DST: variants seen among roughly 807,000 people sequenced by gnomAD.
DST encodes bullous pemphigoid antigen.
DST carries 253 observed loss-of-function variants against 875.2 expected under a neutral mutation model. The ratio of observed to expected loss-of-function variants is 0.29; its 90% CI spans 0.26 to 0.32. DST has a LOEUF of 0.32. Among genes scored for constraint, DST ranks in the 10% least tolerant of loss-of-function variants. The pLI, the probability that DST is intolerant of heterozygous loss-of-function variation, is 1.00. For missense variants in DST, 8,287 were observed against 9,111.6 expected, an observed-to-expected ratio of 0.91 and a Z score of 3.68; for synonymous variants, 3,124 against 3,197.1, an observed-to-expected ratio of 0.98 and a Z score of 0.77.
chr6:56,641,632 A>T (rs1385874956), intron 17 of DST, among the ~76,000 whole-genome samples: 1 of 152,156 alleles, frequency 6.6e-6, no homozygotes, highest in Non-Finnish European at 1.5e-5. Context: ...TTTCTCTTTC[A>T]AACATCCCAT....
chr6:56,691,436 C>T (rs1176573852), intron 9 of DST, among the ~76,000 whole-genome samples: 1 of 152,296 alleles, frequency 6.6e-6, no homozygotes, highest in East Asian at 1.9e-4. Context: ...CACTAACCCT[C>T]ATAAAACCTC....
rs4715633 is a variant in DST at position 56,559,544 on chromosome 6, C to G, written c.14440+750G>C. 6.9e-3 allele frequency among the ~76,000 whole-genome samples: 1,046 copies of G among 152,120 alleles called. 44 individuals are homozygous for G. Among genetic ancestry groups the G allele is most frequent in the Admixed American group, 0.059 (897 of 15,254 alleles). On this transcript the variant is annotated intron_variant, in intron 58 of 103. Coordinates refer to ENST00000680361, the MANE Select transcript of DST (RefSeq NM_001374736.1). ...ATAATTATTATAATCATAGTATATACTTATATAGCACTTGATATGTGCCAG... is the reference window on the plus strand; with the variant it reads ...ATAATTATTATAATCATAGTATATAGTTATATAGCACTTGATATGTGCCAG...
At chr6:56,774,907 G>A (rs1014375480) in intron 4 of DST, among the ~76,000 whole-genome samples, 2 of 150,882 alleles carry the variant, frequency 1.3e-5, no homozygotes, top group Non-Finnish European at 1.5e-5. Flanking sequence ...CAGGAGAATC[G>A]CTGGAACCCG....
intron 3 of DST, among the ~76,000 whole-genome samples, chr6:56,880,870 CAG>C (rs1781841250): frequency 1.3e-5 from 1 of 77,726 alleles, no homozygotes; most frequent in Non-Finnish European, 2.3e-5. Context: ...TTTTTTGAGA[CAG>C]AGTCTTTGCT....
intron 5 of DST, among the ~76,000 whole-genome samples, chr6:56,722,119 A>C (rs1381202521): frequency 6.6e-6 from 1 of 152,108 alleles, no homozygotes; most frequent in Non-Finnish European, 1.5e-5. Flanking sequence ...ACATTAACAA[A>C]AAAAAAAAGG....
intron 53 of DST, 96 bp from the exon 54 acceptor site, chr6:56,570,108 A>G (rs1169573746): frequency 3.3e-6 from 3 of 898,162 alleles, no homozygotes; most frequent in Non-Finnish European, 4.9e-6. Context: ...ACCATCTTCC[A>G]TGTACTCTAA....
chr6:56,464,403 A>T (rs2094481279), intron 100 of DST: 1 of 452,662 alleles, frequency 2.2e-6, no homozygotes, highest in Non-Finnish European at 3.9e-6. Context: ...TCAGTGATGC[A>T]GCACTCATAC....
intron 80 of DST, among the ~76,000 whole-genome samples, chr6:56,498,451 G>T (rs1056301220): frequency 6.6e-6 from 1 of 152,086 alleles, no homozygotes; most frequent in African/African-American, 2.4e-5. Context: ...CTTCCTGGAT[G>T]TACCTTTACT....
At chr6:56,755,992 C>T (rs1278150677) in intron 4 of DST, among the ~76,000 whole-genome samples, 2 of 152,188 alleles carry the variant, frequency 1.3e-5, no homozygotes, top group Non-Finnish European at 2.9e-5. Flanking sequence ...GCGATGACAG[C>T]AGAGCCATAG....
At chr6:56,475,928 C>T (rs2095166207) in intron 92 of DST, among the ~76,000 whole-genome samples, 1 of 152,072 alleles carries the variant, frequency 6.6e-6, no homozygotes, top group African/African-American at 2.4e-5. Flanking sequence ...AGTGTAACCC[C>T]ACAGAGGACA....
intron 4 of DST, among the ~76,000 whole-genome samples, chr6:56,744,149 C>CAA (rs1197086753): frequency 3.8e-4 from 22 of 58,472 alleles, no homozygotes; most frequent in African/African-American, 9.8e-4. Flanking sequence ...AACTCTGTCT[C>CAA]AAAAAAAAAA....
intron 4 of DST, among the ~76,000 whole-genome samples, chr6:56,778,919 A>C (rs1466490439): frequency 6.6e-6 from 1 of 152,056 alleles, no homozygotes; most frequent in East Asian, 1.9e-4. Flanking sequence ...TGACTGGGTC[A>C]AATGGTATTT....
intron 9 of DST, among the ~76,000 whole-genome samples, chr6:56,684,538 G>GT (rs2152847426): frequency 1.3e-5 from 2 of 152,300 alleles, no homozygotes; most frequent in South Asian, 4.1e-4. Context: ...ACTAAAAGAG[G>GT]TGACGTCATT....
chr6:56,836,060 A>G (rs889474175), intron 4 of DST, among the ~76,000 whole-genome samples: 4 of 152,222 alleles, frequency 2.6e-5, no homozygotes, highest in Non-Finnish European at 5.9e-5. Context: ...ACTAAGACAC[A>G]ACAGTTTGAC....
intron 10 of DST, among the ~76,000 whole-genome samples, chr6:56,669,719 T>A (rs561671264): frequency 3.3e-4 from 51 of 152,262 alleles, no homozygotes; most frequent in African/African-American, 1.2e-3. Context: ...GAGTTCCAAG[T>A]CTGCCACTCG....
chr6:56,736,840 T>C (rs538982664), intron 4 of DST, among the ~76,000 whole-genome samples: 2 of 152,274 alleles, frequency 1.3e-5, no homozygotes, highest in African/African-American at 4.8e-5. Context: ...TTTTAATACA[T>C]AAGCAGGCAA....
At chr6:56,915,871 A>G (rs927182141) in intron 2 of DST, among the ~76,000 whole-genome samples, 1 of 152,266 alleles carries the variant, frequency 6.6e-6, no homozygotes, top group Non-Finnish European at 1.5e-5. Flanking sequence ...AACGATAGCC[A>G]TATCAATAGC....
At chr6:56,875,341 T>C (rs1779198709) in intron 3 of DST, among the ~76,000 whole-genome samples, 1 of 152,214 alleles carries the variant, frequency 6.6e-6, no homozygotes, top group Admixed American at 6.5e-5. Flanking sequence ...ACAGGTCTCA[T>C]CACATTAGAC....
At chr6:56,815,436 G>A (rs569552748) in intron 4 of DST, among the ~76,000 whole-genome samples, 51 of 152,240 alleles carry the variant, frequency 3.3e-4, no homozygotes, top group African/African-American at 1.1e-3. Flanking sequence ...TATCTACACT[G>A]AGCAAATTAA....
Sources: allele counts gnomAD v4.1 joint callset (sites outside exome capture counted in the v4.1 genomes callset), GRCh38; gene constraint gnomAD v4.1.1; transcripts MANE v1.5; gene names NCBI Gene and HGNC (gene_info 2026-07-23, HGNC 2026-07-21).